The following TTC28 variants were observed in gnomAD, a reference collection of about 807,000 sequenced individuals.
TTC28 encodes the protein tetratricopeptide repeat domain 28, also known as tetratricopeptide repeat protein 28.
Under a neutral mutation model 198.0 loss-of-function variants are expected in TTC28, and 61 were observed. That is an observed-to-expected ratio of 0.31 (90% CI 0.25 to 0.38). The LOEUF (loss-of-function observed/expected upper bound fraction) is 0.38. Among genes scored for constraint, TTC28 ranks in the 10% least tolerant of loss-of-function variants. TTC28 has a pLI of 1.00. For missense variants in TTC28, 2,678 were observed against 3,164.0 expected (o/e 0.85, Z 3.69); for synonymous variants, 1,171 against 1,297.8 (o/e 0.90, Z 2.10).
intron 6 of TTC28, among the ~76,000 whole-genome samples, chr22:28,161,978 A>G (rs1051175453): frequency 6.6e-6 from 1 of 152,198 alleles, no homozygotes; most frequent in East Asian, 1.9e-4. Flanking sequence ...TCTGATAAGC[A>G]TATCAATAAG....
At chr22:28,298,129 TC>T (rs1409052200) in intron 3 of TTC28, among the ~76,000 whole-genome samples, 1 of 152,126 alleles carries the variant, frequency 6.6e-6, no homozygotes, top group African/African-American at 2.4e-5. Context: ...CCTGAATAGT[TC>T]CCTCTCCTCT....
At chr22:28,275,391 T>G (rs1932357005) in intron 5 of TTC28, among the ~76,000 whole-genome samples, 2 of 152,132 alleles carry the variant, frequency 1.3e-5, no homozygotes, top group Non-Finnish European at 1.5e-5. Flanking sequence ...TCTTAATAAT[T>G]TGGTAGTTGT....
rs970191929 is a variant in TTC28, at chr22:27,978,896, G to A, written c.*3325C>T. ...ATTTACATCTGATGGAGTAGCAGAG[G>A]GTGGGGCATGCCAGTTTCCTGAGCT... On this transcript the variant is annotated 3_prime_UTR_variant, in exon 23 of 23. Coordinates refer to ENST00000397906, the MANE Select transcript of TTC28 (RefSeq NM_001145418.2). 1.3e-5 allele frequency: 2 copies of A among 152,204 alleles called. No homozygotes were observed. Among genetic ancestry groups the A allele is most frequent in the Non-Finnish European group, 2.9e-5 (2 of 68,056 alleles). The allele number at this position is 152,204 out of a possible 1,614,324, so 9.4% of individuals were successfully genotyped here.
chr22:28,332,043 T>G (rs574519252), intron 2 of TTC28, among the ~76,000 whole-genome samples: 4 of 152,128 alleles, frequency 2.6e-5, no homozygotes, highest in Non-Finnish European at 5.9e-5. Flanking sequence ...CACTTGCATA[T>G]GAGTCTTCTA....
chr22:28,576,149 T>C (rs2050146525), intron 2 of TTC28, among the ~76,000 whole-genome samples: 1 of 152,142 alleles, frequency 6.6e-6, no homozygotes, highest in African/African-American at 2.4e-5. Context: ...TGGCTTTTAT[T>C]GTGTTATATT....
intron 13 of TTC28, among the ~76,000 whole-genome samples, chr22:28,024,900 A>G (rs1236108039): frequency 1.3e-5 from 2 of 152,202 alleles, no homozygotes; most frequent in East Asian, 3.9e-4. Flanking sequence ...GCCCACATTT[A>G]ATGTGGCACA....
chr22:28,450,863 A>C (rs1304968947), intron 2 of TTC28, among the ~76,000 whole-genome samples: 1 of 152,180 alleles, frequency 6.6e-6, no homozygotes, highest in East Asian at 1.9e-4. Flanking sequence ...TATGAACCTT[A>C]AGATAAGCAA....
chr22:28,046,780 C>T (rs1174018322), intron 12 of TTC28, among the ~76,000 whole-genome samples: 1 of 152,044 alleles, frequency 6.6e-6, no homozygotes, highest in Non-Finnish European at 1.5e-5. Flanking sequence ...TATACACAGG[C>T]TACCTGTACA....
chr22:28,492,885 T>C (rs1334446226), intron 2 of TTC28, among the ~76,000 whole-genome samples: 1 of 151,972 alleles, frequency 6.6e-6, no homozygotes, highest in Admixed American at 6.6e-5. Context: ...TCCCAAAACA[T>C]CTTGTCATTC....
intron 2 of TTC28, among the ~76,000 whole-genome samples, chr22:28,456,369 G>A (rs1050038494): frequency 6.6e-6 from 1 of 152,054 alleles, no homozygotes; most frequent in Non-Finnish European, 1.5e-5. Context: ...CTTTTGGGGG[G>A]AGATGCAGAT....
intron 2 of TTC28, among the ~76,000 whole-genome samples, chr22:28,399,392 T>C (rs1459201804): frequency 6.7e-6 from 1 of 150,170 alleles, no homozygotes; most frequent in African/African-American, 2.4e-5. Context: ...TCATAGCTCG[T>C]TGCAGTCTTG....
chr22:28,099,962 C>G (rs370859737), intron 9 of TTC28, among the ~76,000 whole-genome samples: 1 of 152,266 alleles, frequency 6.6e-6, no homozygotes, highest in Non-Finnish European at 1.5e-5. Flanking sequence ...CATAGACATT[C>G]TGAGGACCAG....
rs953915575 is a variant in TTC28 at position 27,982,338 on chromosome 22, T to A, written c.7329A>T (p.Ser2443=). 1.2e-5 allele frequency: 19 copies of A among 1,539,084 alleles called. No homozygotes were observed. Among genetic ancestry groups the A allele is most frequent in the Non-Finnish European group, 1.7e-5 (19 of 1,140,070 alleles). The change falls in exon 23 of 23, where the codon TCA becomes TCT. Residue 2443 remains serine, a synonymous_variant. Coordinates refer to ENST00000397906, the MANE Select transcript of TTC28 (RefSeq NM_001145418.2). The surrounding 1 kb of genome is among the most constrained non-coding windows in gnomAD (Gnocchi z 5.2). ...CGGGAGGGCCGGCGGGCAGCGGCAG[T>A]GAGCCCAGCGAGGTGGTCTCGGTGC... ...HWRTETTSLG[S]LPLPAGPPAT... is the part of the protein sequence containing the mutation.
At chr22:28,170,522 A>G (rs1406513342) in intron 5 of TTC28, among the ~76,000 whole-genome samples, 1 of 151,964 alleles carries the variant, frequency 6.6e-6, no homozygotes, top group African/African-American at 2.4e-5. Flanking sequence ...GAAAATCGAA[A>G]TTAATTACTA....
At chr22:28,398,516 G>A (rs554800070) in intron 2 of TTC28, among the ~76,000 whole-genome samples, 58 of 152,326 alleles carry the variant, frequency 3.8e-4, no homozygotes, top group Admixed American at 1.9e-3. Context: ...CTCTCACAGT[G>A]TGAACACTTT....
At chr22:28,318,187 G>A (rs2045382860) in intron 2 of TTC28, among the ~76,000 whole-genome samples, 2 of 151,840 alleles carry the variant, frequency 1.3e-5, no homozygotes, top group Non-Finnish European at 2.9e-5. Flanking sequence ...TGAGATGAGA[G>A]GCATGAGCCA....
intron 14 of TTC28, among the ~76,000 whole-genome samples, chr22:28,009,140 C>T (rs887227071): frequency 6.6e-6 from 1 of 152,192 alleles, no homozygotes; most frequent in Admixed American, 6.5e-5. Context: ...CAAAGATAAG[C>T]GGACATGCTC....
chr22:28,049,297 C>A (rs1939987624), intron 12 of TTC28, among the ~76,000 whole-genome samples: 1 of 152,146 alleles, frequency 6.6e-6, no homozygotes, highest in African/African-American at 2.4e-5. Flanking sequence ...TAACTTCTAT[C>A]CCCTCCCAAG....
intron 5 of TTC28, among the ~76,000 whole-genome samples, chr22:28,211,820 G>C (rs1293133934): frequency 6.6e-6 from 1 of 152,114 alleles, no homozygotes; most frequent in Non-Finnish European, 1.5e-5. Flanking sequence ...CAAATCAACA[G>C]AATATACATT....
Sources: gnomAD v4.1 joint callset for allele counts (sites outside exome capture counted in the v4.1 genomes callset) on GRCh38, gnomAD v4.1.1 for gene constraint, Gnocchi (gnomAD v3.1) non-coding constraint, MANE v1.5 for transcripts, NCBI Gene and HGNC (gene_info 2026-07-23, HGNC 2026-07-21) for gene names.